DNAAF9: variants seen among roughly 807,000 people sequenced by gnomAD.
DNAAF9 encodes the protein dynein axonemal assembly factor 9.
A neutral mutation model predicts 167.0 loss-of-function variants in DNAAF9; 90 were observed. That is an observed-to-expected ratio of 0.54 (90% CI 0.45 to 0.64). The LOEUF is 0.64. DNAAF9 is among the 30% of genes least tolerant of loss of function. The pLI, the probability that DNAAF9 is intolerant of heterozygous loss-of-function variation, is 0.00. For synonymous variants in DNAAF9, 491 were observed against 508.8 expected, an observed-to-expected ratio of 0.96 and a Z score of 0.47; for missense variants, 1,315 against 1,442.2, an observed-to-expected ratio of 0.91 and a Z score of 1.43.
At chr20:3,283,166 C>T (rs2068791137) in intron 27 of DNAAF9, among the ~76,000 whole-genome samples, 1 of 152,156 alleles carries the variant, frequency 6.6e-6, no homozygotes, top group Non-Finnish European at 1.5e-5. Flanking sequence ...CGGCCTATCA[C>T]CAAAAGGTTT....
rs1447294428 is a variant in DNAAF9, at chr20:3,388,131, C to G, written c.84-5625G>C. ...TTCTCTGAAGAGGATATGCAAATGG[C>G]CAAGCACATGAAAAGAAACTCAACA... On this transcript the variant is annotated intron_variant, in intron 1 of 36. Coordinates refer to ENST00000252032, the MANE Select transcript of DNAAF9 (RefSeq NM_001009984.3). Among the ~76,000 whole-genome samples, 9 of 151,030 alleles carry G rather than the reference C, an allele frequency of 6.0e-5. No individual in the cohort carries two copies. The East Asian group carries it at 1.7e-3, about 29-fold the overall frequency.
At chr20:3,295,470 C>G in intron 23 of DNAAF9, 1 of 299,000 alleles carries the variant, frequency 3.3e-6, no homozygotes, top group South Asian at 3.1e-5. Context: ...TGAACCACTG[C>G]GCCTGACCTT....
At chr20:3,391,384 A>G (rs1209481293) in intron 1 of DNAAF9, among the ~76,000 whole-genome samples, 1 of 152,152 alleles carries the variant, frequency 6.6e-6, no homozygotes, top group African/African-American at 2.4e-5. Flanking sequence ...GCCGGAATTA[A>G]CCACTGTTAA....
At position 3,260,029 on chromosome 20, in the gene DNAAF9, C is replaced by T. The variant is rs1215307256; in HGVS notation, c.2874-1G>A. 1.9e-6 allele frequency: 3 copies of T among 1,585,428 alleles called. No homozygotes were observed. Among genetic ancestry groups the T allele is most frequent in the South Asian group, 1.1e-5 (1 of 90,500 alleles). On this transcript the variant is annotated splice_acceptor_variant, in intron 31 of 36. Transcript: ENST00000252032. LOFTEE classifies it high-confidence loss of function. ...TCCAGCATTCAATTTACCTTCATAC[C>T]TTAAAAGGTTTAAAAAATTTTAAGT...
intron 17 of DNAAF9, among the ~76,000 whole-genome samples, chr20:3,317,099 T>A (rs2069516615): frequency 6.6e-6 from 1 of 151,942 alleles, no homozygotes; most frequent in African/African-American, 2.4e-5. Context: ...TTTGTCATGC[T>A]AGCTAGGCTG....
At chr20:3,310,056 G>A (rs189104854) in intron 20 of DNAAF9, among the ~76,000 whole-genome samples, 3 of 152,100 alleles carry the variant, frequency 2.0e-5, no homozygotes, top group East Asian at 3.9e-4. Context: ...GCCGGGCATG[G>A]TGGTGCATGT....
intron 17 of DNAAF9, among the ~76,000 whole-genome samples, chr20:3,317,492 G>A (rs2069525536): frequency 6.6e-6 from 1 of 151,848 alleles, no homozygotes; most frequent in Admixed American, 6.6e-5. Flanking sequence ...AGAATTATCA[G>A]GCTCATTCTA....
chr20:3,385,830 A>G (rs2083727133), intron 1 of DNAAF9, among the ~76,000 whole-genome samples: 2 of 152,324 alleles, frequency 1.3e-5, no homozygotes, highest in South Asian at 2.1e-4. Flanking sequence ...ACTACAAAAC[A>G]CTGATTAAAG....
intron 1 of DNAAF9, among the ~76,000 whole-genome samples, chr20:3,406,536 G>A (rs1489642607): frequency 6.6e-6 from 1 of 152,000 alleles, no homozygotes; most frequent in Non-Finnish European, 1.5e-5. Context: ...ACACTGCGCC[G>A]GCGCCCCACA....
chr20:3,317,543 T>A (rs997339617), intron 17 of DNAAF9, among the ~76,000 whole-genome samples: 1 of 152,152 alleles, frequency 6.6e-6, no homozygotes, highest in East Asian at 1.9e-4. Flanking sequence ...ATATAATAAA[T>A]CTTTAGAATA....
chr20:3,407,591 G>T lies in DNAAF9; in HGVS notation c.-34C>A, dbSNP rs1034320129. ...ACGACTGGCGGCGGAGGAGGACGGTGCAGCTGCGAGGGTCTCAGTTGCCCG... is the reference window on the plus strand; with the variant it reads ...ACGACTGGCGGCGGAGGAGGACGGTTCAGCTGCGAGGGTCTCAGTTGCCCG... On this transcript the variant is annotated 5_prime_UTR_variant, in exon 1 of 37. Coordinates refer to ENST00000252032, the MANE Select transcript of DNAAF9 (RefSeq NM_001009984.3). The T allele has an allele frequency of 8.0e-5, 97 of 1,218,502 alleles. No individual in the cohort carries two copies. Among genetic ancestry groups the T allele is most frequent in the Non-Finnish European group, 9.8e-5 (96 of 979,334 alleles). 75.5% of individuals were successfully genotyped at this position (1,218,502 alleles called of 1,614,324 possible). A position where few individuals can be genotyped will look rare whatever the true frequency, so the allele number is the denominator to read the frequency against.
intron 35 of DNAAF9, 142 bp downstream of exon 35, chr20:3,255,077 C>T: frequency 1.7e-6 from 1 of 602,856 alleles, no homozygotes; most frequent in South Asian, 1.9e-5. Flanking sequence ...CTGTACGCAG[C>T]TTCCCTCTGT....
chr20:3,322,307 G>C (rs1362557869), intron 15 of DNAAF9, 45 bp from the exon 16 acceptor site: 1 of 1,452,928 alleles, frequency 6.9e-7, no homozygotes. Context: ...GAGTTTTTAA[G>C]TGTACTTAAA....
chr20:3,388,939 G>C (rs1311143243), intron 1 of DNAAF9, among the ~76,000 whole-genome samples: 1 of 152,150 alleles, frequency 6.6e-6, no homozygotes, highest in Non-Finnish European at 1.5e-5. Flanking sequence ...AGTTAAAATG[G>C]TAAATTTTAT....
At chr20:3,288,601 A>G (rs1326031658) in intron 26 of DNAAF9, among the ~76,000 whole-genome samples, 1 of 152,188 alleles carries the variant, frequency 6.6e-6, no homozygotes, top group African/African-American at 2.4e-5. Context: ...CCCATTCTCC[A>G]CAATATCCCA....
chr20:3,325,645 C>A (rs1373736250), intron 13 of DNAAF9, among the ~76,000 whole-genome samples: 1 of 152,190 alleles, frequency 6.6e-6, no homozygotes, highest in African/African-American at 2.4e-5. Context: ...AGGCATCAAG[C>A]TGACTCTTCT....
intron 21 of DNAAF9, among the ~76,000 whole-genome samples, chr20:3,304,131 G>A (rs2122984946): frequency 6.6e-6 from 1 of 152,300 alleles, no homozygotes; most frequent in African/African-American, 2.4e-5. Context: ...GCCACTGGAG[G>A]CCTTCTCAGC....
rs758616247 is a variant in DNAAF9, at chr20:3,296,843, A to G, written c.2018+18T>C. 6.5e-7 allele frequency: 1 copy of G among 1,540,160 alleles called. No individual in the cohort carries two copies. Among genetic ancestry groups the G allele is most frequent in the East Asian group, 2.2e-5 (1 of 44,546 alleles). On this transcript the variant is annotated intron_variant, in intron 23 of 36. Transcript: ENST00000252032. ...AAAGCCTAGGGAAGCAAGCACAAAT[A>G]CTGAAGCAGCCACTTACAATCTCTT...
At chr20:3,394,174 C>A (rs1479830076) in intron 1 of DNAAF9, among the ~76,000 whole-genome samples, 1 of 152,032 alleles carries the variant, frequency 6.6e-6, no homozygotes, top group African/African-American at 2.4e-5. Flanking sequence ...CCTGTCTCTA[C>A]TAAAAATACA....
Sources: allele counts gnomAD v4.1 joint callset (sites outside exome capture counted in the v4.1 genomes callset), GRCh38; gene constraint gnomAD v4.1.1; transcripts MANE v1.5; gene names NCBI Gene and HGNC (gene_info 2026-07-23, HGNC 2026-07-21).